Variants in MICU2 observed in about 807,000 individuals in gnomAD.
The protein encoded by MICU2 is mitochondrial calcium uptake 2.
In MICU2, 64 loss-of-function variants were observed where a neutral mutation model predicts 60.4. That is an observed-to-expected ratio of 1.06 (90% CI 0.87 to 1.31). MICU2 has a LOEUF of 1.31. Among genes scored for constraint, MICU2 ranks in the 50% most tolerant of loss-of-function variants. The probability of loss-of-function intolerance (pLI) is 0.00; values close to 1 mark genes in which losing one functional copy is unlikely to be tolerated. For missense variants in MICU2, 569 were observed against 531.0 expected (o/e 1.07, Z -0.70); for synonymous variants, 201 against 175.0 (o/e 1.15, Z -1.17).
chr13:21,576,706 C>G (rs958767105), intron 1 of MICU2, among the ~76,000 whole-genome samples: 1 of 152,194 alleles, frequency 6.6e-6, no homozygotes, highest in Non-Finnish European at 1.5e-5. Context: ...TGTGCTTCCC[C>G]AGCTTACAGG....
chr13:21,600,763 T>A (rs1357540821), intron 1 of MICU2, among the ~76,000 whole-genome samples: 2 of 151,766 alleles, frequency 1.3e-5, no homozygotes, highest in Non-Finnish European at 1.5e-5. Context: ...AAGCACTTAG[T>A]GTAATGACTG....
At chr13:21,560,529 G>A (rs568471735) in intron 2 of MICU2, among the ~76,000 whole-genome samples, 1 of 152,210 alleles carries the variant, frequency 6.6e-6, no homozygotes, top group Non-Finnish European at 1.5e-5. Flanking sequence ...ATTTGATAGA[G>A]TTAACTTCTC....
intron 6 of MICU2, among the ~76,000 whole-genome samples, chr13:21,518,261 T>G (rs1413630670): frequency 2.6e-5 from 4 of 152,232 alleles, no homozygotes; most frequent in Non-Finnish European, 4.4e-5. Context: ...CAATAAGGAC[T>G]GTATGGTAAA....
At chr13:21,544,867 G>A (rs1489057955) in intron 2 of MICU2, among the ~76,000 whole-genome samples, 2 of 152,068 alleles carry the variant, frequency 1.3e-5, no homozygotes, top group Non-Finnish European at 2.9e-5. Context: ...GTCCAGGGTG[G>A]TTTCAAATTC....
chr13:21,601,183 T>C (rs1888807618), intron 1 of MICU2, among the ~76,000 whole-genome samples: 1 of 152,212 alleles, frequency 6.6e-6, no homozygotes, highest in Non-Finnish European at 1.5e-5. Flanking sequence ...CATAAAATTC[T>C]ATTGCAATGA....
chr13:21,493,806 G>A (rs1744920), intron 11 of MICU2, among the ~76,000 whole-genome samples: 151,512 of 151,902 alleles, frequency 1, 75,563 homozygotes, highest in Middle Eastern at 1. Context: ...AGGCCACAAA[G>A]TATTTGATGA....
chr13:21,593,487 A>C (rs578080365), intron 1 of MICU2, among the ~76,000 whole-genome samples: 3 of 126,828 alleles, frequency 2.4e-5, no homozygotes, highest in African/African-American at 8.1e-5. Context: ...TATCATTGAC[A>C]CTCTTCCCAG....
intron 4 of MICU2, among the ~76,000 whole-genome samples, chr13:21,528,582 A>G (rs934598793): frequency 7.2e-5 from 11 of 152,184 alleles, no homozygotes; most frequent in Admixed American, 1.3e-4. Flanking sequence ...TCACAATTTA[A>G]TAAACAATTC....
intron 11 of MICU2, among the ~76,000 whole-genome samples, chr13:21,494,774 C>T (rs59407968): frequency 0.037 from 5,648 of 152,162 alleles, 355 homozygotes; most frequent in African/African-American, 0.13. Flanking sequence ...GTGATCCACC[C>T]GGCTCGGCCT....
In MICU2 at chr13:21,493,142, A is replaced by G; in HGVS notation, c.*107T>C. ...AGCAAGTACAAGACATGCTTATTTC[A>G]CACAGAATATCAATGAAGACTTAAG... On this transcript the variant is annotated 3_prime_UTR_variant, in exon 12 of 12. Coordinates refer to ENST00000382374, the MANE Select transcript of MICU2 (RefSeq NM_152726.3). The G allele has an allele frequency of 1.7e-6, 1 of 598,866 alleles. No homozygotes were observed. The highest frequency in any genetic ancestry group is 2.7e-6 in the Non-Finnish European group (1 of 370,808). 37.1% of individuals were successfully genotyped at this position (598,866 alleles called of 1,614,324 possible).
rs576704985 is a variant in MICU2 at position 21,516,353 on chromosome 13, C to T, written c.598-1935G>A. Among the ~76,000 whole-genome samples, 174 of 152,288 alleles carry T rather than the reference C, an allele frequency of 1.1e-3. 1 individual carries two copies. Among genetic ancestry groups the T allele is most frequent in the African/African-American group, 4.0e-3 (167 of 41,550 alleles). ...TCTTTTGTGTCTGCCTTCTTTCACT[C>T]AGCATAATGGTCTTGAGAGTCACCC... is the stretch of plus-strand genomic sequence containing the variant. On this transcript the variant is annotated intron_variant, in intron 6 of 11. Transcript: ENST00000382374.
At chr13:21,498,609 C>G (rs1295483588) in intron 9 of MICU2, among the ~76,000 whole-genome samples, 1 of 151,944 alleles carries the variant, frequency 6.6e-6, no homozygotes, top group Non-Finnish European at 1.5e-5. Flanking sequence ...AAACTCCTGA[C>G]CTCAGGTGAT....
At chr13:21,592,908 T>C (rs1008270857) in intron 1 of MICU2, among the ~76,000 whole-genome samples, 14 of 152,204 alleles carry the variant, frequency 9.2e-5, no homozygotes, top group African/African-American at 3.4e-4. Flanking sequence ...ACAGCCAATA[T>C]CATATTCAAT....
chr13:21,498,369 C>CTTTT lies in MICU2; in HGVS notation c.934-2213_934-2210dup, dbSNP rs34890922. The stretch of plus-strand genomic sequence containing the variant: ...TGTCTCCATCCAGAAATATCCTATT[C>CTTTT]TTTTTTTTTTTTTTTTTTTTTTTTT... On this transcript the variant is annotated intron_variant, in intron 9 of 11. Coordinates refer to ENST00000382374, the MANE Select transcript of MICU2 (RefSeq NM_152726.3). 5.6e-4 allele frequency among the ~76,000 whole-genome samples: 44 copies of CTTTT among 78,558 alleles called. 5 individuals carry two copies. Among genetic ancestry groups the CTTTT allele is most frequent in the East Asian group, 1.8e-3 (3 of 1,696 alleles). The allele number at this position is 78,558 out of a possible 152,430, so 51.5% of individuals were successfully genotyped here. A position where few individuals can be genotyped will look rare whatever the true frequency, so the allele number is the denominator to read the frequency against.
intron 1 of MICU2, among the ~76,000 whole-genome samples, chr13:21,589,621 G>A (rs1053007579): frequency 1.1e-4 from 16 of 151,744 alleles, no homozygotes; most frequent in Non-Finnish European, 1.6e-4. Flanking sequence ...AACCTTTTTC[G>A]ATTACCTGCT....
At chr13:21,531,026 G>A (rs1886983928) in intron 4 of MICU2, 7 of 877,058 alleles carry the variant, frequency 8.0e-6, no homozygotes, top group Non-Finnish European at 1.2e-5. Context: ...GCAACTATTT[G>A]AAAGGGATTT....
chr13:21,593,369 TAAAC>T (rs1277822665), intron 1 of MICU2, among the ~76,000 whole-genome samples: 1 of 151,600 alleles, frequency 6.6e-6, no homozygotes, highest in Non-Finnish European at 1.5e-5. Flanking sequence ...AAAGAGGACA[TAAAC>T]AAATGGAAAA....
intron 6 of MICU2, among the ~76,000 whole-genome samples, chr13:21,516,430 C>T (rs1886571292): frequency 6.6e-6 from 1 of 152,170 alleles, no homozygotes; most frequent in Non-Finnish European, 1.5e-5. Context: ...TGTTTTATTA[C>T]ATTTTATGAA....
At chr13:21,544,363 T>G (rs1161393408) in intron 2 of MICU2, among the ~76,000 whole-genome samples, 1 of 151,920 alleles carries the variant, frequency 6.6e-6, no homozygotes, top group Admixed American at 6.6e-5. Context: ...AAAACGCTTC[T>G]GTACAGCAAA....
Sources: allele counts gnomAD v4.1 joint callset (sites outside exome capture counted in the v4.1 genomes callset), GRCh38; gene constraint gnomAD v4.1.1; transcripts MANE v1.5; gene names NCBI Gene and HGNC (gene_info 2026-07-23, HGNC 2026-07-21).